The following PDE7B variants were observed in gnomAD, a reference collection of about 807,000 sequenced individuals.
The protein encoded by PDE7B is phosphodiesterase 7B.
In PDE7B, 29 loss-of-function variants were observed where a neutral mutation model predicts 56.2. The ratio of observed to expected loss-of-function variants is 0.52; its 90% CI spans 0.38 to 0.70. PDE7B has a LOEUF of 0.70. Ranked by LOEUF, PDE7B falls within the 30% of genes least tolerant of loss-of-function variation. PDE7B has a pLI of 0.00. For missense variants in PDE7B, 490 were observed against 565.0 expected (o/e 0.87, Z 1.35); for synonymous variants, 197 against 196.9 (o/e 1.00, Z 0.00).
intron 2 of PDE7B, among the ~76,000 whole-genome samples, chr6:136,085,809 C>T (rs1462442784): frequency 6.6e-6 from 1 of 152,166 alleles, no homozygotes; most frequent in Non-Finnish European, 1.5e-5. Context: ...TCCGTGGTAC[C>T]GTAACTGACT....
chr6:136,151,068 A>C, intron 5 of PDE7B, 92 bp from the exon 6 acceptor site: 1 of 685,946 alleles, frequency 1.5e-6, no homozygotes, highest in Non-Finnish European at 2.6e-6. Flanking sequence ...CTATCACAGA[A>C]ACTTTATTAC....
rs116173430 is a variant in PDE7B, at chr6:135,985,789, G to C, written c.82+38265G>C. 5.7e-3 allele frequency among the ~76,000 whole-genome samples: 862 copies of C among 152,222 alleles called. 7 individuals are homozygous for C. Among genetic ancestry groups the C allele is most frequent in the African/African-American group, 0.018 (768 of 41,538 alleles). On this transcript the variant is annotated intron_variant, in intron 2 of 12. Transcript: ENST00000308191. ...CAGAGCATCTAGAACTTTCTTCGACGTACTACCAAGTACAGAGCTTAGAGA... is the reference window on the plus strand; with the variant it reads ...CAGAGCATCTAGAACTTTCTTCGACCTACTACCAAGTACAGAGCTTAGAGA...
intron 2 of PDE7B, among the ~76,000 whole-genome samples, chr6:136,060,861 G>A (rs995110507): frequency 6.6e-6 from 1 of 152,110 alleles, no homozygotes; most frequent in Non-Finnish European, 1.5e-5. Flanking sequence ...TGCTTCATTT[G>A]ATATATTCCA....
chr6:136,053,650 G>T (rs1776675200), intron 2 of PDE7B, among the ~76,000 whole-genome samples: 1 of 152,150 alleles, frequency 6.6e-6, no homozygotes, highest in East Asian at 1.9e-4. Flanking sequence ...TTCCACAATG[G>T]TTAAGCTAGT....
chr6:136,148,374 AAAAGAAAAGAAAGAAGG>A, intron 4 of PDE7B, among the ~76,000 whole-genome samples: 1 of 149,778 alleles, frequency 6.7e-6, no homozygotes, highest in African/African-American at 2.5e-5. Context: ...AGAAGGAAAG[AAAAGAAAAGAAAGAAGG>A]AAAGGAAAGA....
chr6:136,137,753 T>A (rs1216135730), intron 3 of PDE7B, among the ~76,000 whole-genome samples: 1 of 152,130 alleles, frequency 6.6e-6, no homozygotes, highest in Non-Finnish European at 1.5e-5. Flanking sequence ...ATGAAAATAA[T>A]TTTTATTAAC....
intron 2 of PDE7B, among the ~76,000 whole-genome samples, chr6:136,005,032 C>G (rs1775752082): frequency 6.6e-6 from 1 of 152,166 alleles, no homozygotes. Flanking sequence ...CAGAACAGAG[C>G]TCTCAGAAAT....
intron 1 of PDE7B, among the ~76,000 whole-genome samples, chr6:135,879,107 C>T (rs1027911866): frequency 9.2e-5 from 14 of 151,902 alleles, no homozygotes; most frequent in Non-Finnish European, 2.1e-4. Context: ...TTTAAAAAGC[C>T]TTCTATAATT....
intron 1 of PDE7B, among the ~76,000 whole-genome samples, chr6:135,880,767 A>T (rs1334530499): frequency 6.6e-6 from 1 of 152,178 alleles, no homozygotes; most frequent in Non-Finnish European, 1.5e-5. Flanking sequence ...CAAAGTACTG[A>T]CCTGAATAAT....
intron 2 of PDE7B, chr6:136,094,776 G>A (rs964420602): frequency 6.6e-6 from 1 of 152,158 alleles, no homozygotes; most frequent in Non-Finnish European, 1.5e-5. Context: ...ATCTAGAACA[G>A]AGCCTGGCAC....
intron 2 of PDE7B, among the ~76,000 whole-genome samples, chr6:136,103,425 C>T (rs566926956): frequency 2.6e-5 from 4 of 152,274 alleles, no homozygotes; most frequent in Admixed American, 6.5e-5. Context: ...TAGGAGAAAT[C>T]GTTCACTTAG....
intron 3 of PDE7B, among the ~76,000 whole-genome samples, chr6:136,123,145 G>A (rs535702583): frequency 3.6e-4 from 54 of 152,112 alleles, no homozygotes; most frequent in Non-Finnish European, 6.5e-4. Flanking sequence ...GAGGCCAGGA[G>A]TTCAAAACCA....
chr6:135,950,577 G>A (rs900671844), intron 2 of PDE7B, among the ~76,000 whole-genome samples: 7 of 152,102 alleles, frequency 4.6e-5, no homozygotes, highest in Non-Finnish European at 8.8e-5. Context: ...ACCAACCTGA[G>A]ACATCCTCAT....
intron 1 of PDE7B, among the ~76,000 whole-genome samples, chr6:135,879,585 G>A (rs1342397930): frequency 2.0e-5 from 3 of 151,982 alleles, no homozygotes; most frequent in African/African-American, 4.8e-5. Context: ...ACTCGTCTCA[G>A]TAGCATTTGT....
chr6:135,935,880 A>G (rs1774411946), intron 1 of PDE7B, among the ~76,000 whole-genome samples: 1 of 152,214 alleles, frequency 6.6e-6, no homozygotes. Context: ...TGCATGTCTC[A>G]GCGCTGTCCA....
chr6:135,986,292 T>A (rs1467517468), intron 2 of PDE7B, among the ~76,000 whole-genome samples: 1 of 152,192 alleles, frequency 6.6e-6, no homozygotes, highest in African/African-American at 2.4e-5. Context: ...CTCCTCTGAG[T>A]GGATTATGTG....
intron 1 of PDE7B, among the ~76,000 whole-genome samples, chr6:135,927,309 T>C (rs1216010852): frequency 6.6e-6 from 1 of 152,094 alleles, no homozygotes; most frequent in Non-Finnish European, 1.5e-5. Flanking sequence ...AGTTTGAAGT[T>C]CAGGTAGTGT....
intron 2 of PDE7B, among the ~76,000 whole-genome samples, chr6:136,029,775 C>T (rs1292231318): frequency 6.6e-6 from 1 of 152,118 alleles, no homozygotes; most frequent in Non-Finnish European, 1.5e-5. Flanking sequence ...AGATCTTAGA[C>T]ACATGTCAAA....
intron 1 of PDE7B, among the ~76,000 whole-genome samples, chr6:135,854,680 G>A (rs1774993978): frequency 6.6e-6 from 1 of 152,192 alleles, no homozygotes; most frequent in African/African-American, 2.4e-5. Flanking sequence ...CCACAGGAGA[G>A]TAGCTGTGGG....
Sources: gnomAD v4.1 joint callset for allele counts (sites outside exome capture counted in the v4.1 genomes callset) on GRCh38, gnomAD v4.1.1 for gene constraint, MANE v1.5 for transcripts, NCBI Gene and HGNC (gene_info 2026-07-23, HGNC 2026-07-21) for gene names.